RASGRF2: variants seen among roughly 807,000 people sequenced by gnomAD.
RASGRF2 encodes the protein ras-specific guanine nucleotide-releasing factor 2.
RASGRF2 carries 76 observed loss-of-function variants against 151.0 expected under a neutral mutation model. That is an observed-to-expected ratio of 0.50 (90% CI 0.42 to 0.61). RASGRF2 has a LOEUF of 0.61. RASGRF2 is among the 20% of genes least tolerant of loss of function. The pLI, the probability that RASGRF2 is intolerant of heterozygous loss-of-function variation, is 0.00. For missense variants in RASGRF2, 1,148 were observed against 1,564.6 expected (o/e 0.73, Z 4.49); for synonymous variants, 504 against 566.5 (o/e 0.89, Z 1.57).
At chr5:80,989,283 T>A (rs1182740318) in intron 1 of RASGRF2, among the ~76,000 whole-genome samples, 1 of 151,342 alleles carries the variant, frequency 6.6e-6, no homozygotes, top group Admixed American at 6.6e-5. Flanking sequence ...ATAATTGGTA[T>A]TTTTTTTTAA....
At chr5:80,972,336 T>G (rs940831116) in intron 1 of RASGRF2, among the ~76,000 whole-genome samples, 2 of 152,238 alleles carry the variant, frequency 1.3e-5, no homozygotes, top group Admixed American at 6.5e-5. Context: ...CTTTCCAACC[T>G]TGCCAACCCT....
chr5:81,175,418 A>G (rs937722897), intron 17 of RASGRF2, among the ~76,000 whole-genome samples: 1 of 152,308 alleles, frequency 6.6e-6, no homozygotes, highest in Middle Eastern at 3.4e-3. Flanking sequence ...GTAGTATACA[A>G]ACCAGTTACA....
chr5:81,162,425 G>T (rs913875943), intron 17 of RASGRF2, among the ~76,000 whole-genome samples: 1 of 152,104 alleles, frequency 6.6e-6, no homozygotes, highest in Non-Finnish European at 1.5e-5. Context: ...TTGGCTCATT[G>T]CAACCTCCGC....
chr5:80,990,218 G>GTTTTTTTTTTTTTT (rs10558206), intron 1 of RASGRF2, among the ~76,000 whole-genome samples: 1 of 137,926 alleles, frequency 7.3e-6, no homozygotes. Context: ...ACTGCCAGAT[G>GTTTTTTTTTTTTTT]TTTTTTTTTT....
At chr5:81,151,613 C>T (rs1016643924) in intron 17 of RASGRF2, among the ~76,000 whole-genome samples, 4 of 152,108 alleles carry the variant, frequency 2.6e-5, no homozygotes, top group African/African-American at 9.7e-5. Context: ...CCAAGATGCT[C>T]GAATACTTCC....
At chr5:80,978,876 T>C (rs1394256480) in intron 1 of RASGRF2, among the ~76,000 whole-genome samples, 1 of 152,254 alleles carries the variant, frequency 6.6e-6, no homozygotes, top group African/African-American at 2.4e-5. Context: ...AATATTACAT[T>C]GTGAACATTT....
chr5:81,014,540 CAACACGTGGG>C (rs1749569649), intron 1 of RASGRF2, among the ~76,000 whole-genome samples: 1 of 152,192 alleles, frequency 6.6e-6, no homozygotes, highest in Non-Finnish European at 1.5e-5. Context: ...GTCCCTCCCA[CAACACGTGGG>C]AATTCAAGAT....
chr5:81,060,094 A>C (rs1016310398), intron 2 of RASGRF2, among the ~76,000 whole-genome samples: 2 of 152,116 alleles, frequency 1.3e-5, no homozygotes, highest in African/African-American at 4.8e-5. Flanking sequence ...TCTCATGAGA[A>C]CTCATTCACT....
intron 2 of RASGRF2, among the ~76,000 whole-genome samples, chr5:81,044,871 C>T (rs1005687130): frequency 6.6e-6 from 1 of 151,696 alleles, no homozygotes; most frequent in African/African-American, 2.4e-5. Flanking sequence ...CATTCAAAGA[C>T]GAAAGTAGAT....
intron 12 of RASGRF2, 147 bp downstream of exon 12, chr5:81,095,139 G>T: frequency 1.8e-6 from 1 of 555,892 alleles, no homozygotes; most frequent in Non-Finnish European, 2.7e-6. Context: ...ATCTTGATAA[G>T]CTGTGATCAT....
chr5:80,987,452 C>T (rs1380341805), intron 1 of RASGRF2, among the ~76,000 whole-genome samples: 1 of 152,140 alleles, frequency 6.6e-6, no homozygotes, highest in Non-Finnish European at 1.5e-5. Context: ...GTAGTTCAGT[C>T]GTTTGAATTC....
chr5:81,217,262 A>G (rs1755758803), intron 24 of RASGRF2, 94 bp from the exon 25 acceptor site: 13 of 1,492,376 alleles, frequency 8.7e-6, no homozygotes, highest in Non-Finnish European at 1.2e-5. Flanking sequence ...TTCAGTACCA[A>G]AGGAGGATAC....
intron 15 of RASGRF2, among the ~76,000 whole-genome samples, chr5:81,117,861 A>G (rs1753201705): frequency 1.3e-5 from 2 of 152,216 alleles, no homozygotes; most frequent in South Asian, 2.1e-4. Context: ...AAAGTAGGCA[A>G]AAAGAAAGGT....
chr5:81,027,621 C>T (rs1750082730), intron 1 of RASGRF2, among the ~76,000 whole-genome samples: 1 of 152,146 alleles, frequency 6.6e-6, no homozygotes, highest in South Asian at 2.1e-4. Context: ...TCCCATCTGC[C>T]CTTGCTCAAA....
chr5:80,976,811 C>T (rs1748128926), intron 1 of RASGRF2, among the ~76,000 whole-genome samples: 1 of 152,186 alleles, frequency 6.6e-6, no homozygotes, highest in African/African-American at 2.4e-5. Context: ...GGTGGGTCCA[C>T]ATCCTCTGTG....
At position 80,960,548 on chromosome 5, in the gene RASGRF2, C is replaced by A; in HGVS notation, c.-191C>A. On this transcript the variant is annotated 5_prime_UTR_variant, in exon 1 of 27. Transcript: ENST00000265080. This position sits in a 1 kb window ranked among gnomAD's most constrained non-coding sequence, Gnocchi z 5.5. ...GGCGGAGAGCGTGCCTCGGCCCCAG[C>A]CCGCGCCCCTGCCACCGCGCGCCGC... is the stretch of plus-strand genomic sequence containing the variant. 2.6e-6 allele frequency: 1 copy of A among 388,286 alleles called. No homozygotes were observed. Among genetic ancestry groups the A allele is most frequent in the Non-Finnish European group, 4.2e-6 (1 of 237,102 alleles). The allele number at this position is 388,286 out of a possible 1,614,324, so 24.1% of individuals were successfully genotyped here. A position where few individuals can be genotyped will look rare whatever the true frequency, so the allele number is the denominator to read the frequency against.
intron 23 of RASGRF2, among the ~76,000 whole-genome samples, chr5:81,215,568 G>A (rs1755719327): frequency 6.6e-6 from 1 of 152,118 alleles, no homozygotes; most frequent in Non-Finnish European, 1.5e-5. Context: ...ACTGCACCCG[G>A]CCTACTTGTC....
At chr5:81,069,672 C>A (rs534881042) in intron 3 of RASGRF2, among the ~76,000 whole-genome samples, 2 of 152,330 alleles carry the variant, frequency 1.3e-5, no homozygotes, top group African/African-American at 4.8e-5. Flanking sequence ...TCTTTTCCCA[C>A]CTCCTTGCCA....
chr5:81,059,459 C>T (rs954752171), intron 2 of RASGRF2, among the ~76,000 whole-genome samples: 6 of 151,694 alleles, frequency 4.0e-5, no homozygotes, highest in Non-Finnish European at 5.9e-5. Flanking sequence ...GGGGGAAAAC[C>T]TGAGACTTTC....
Sources: allele counts gnomAD v4.1 joint callset (sites outside exome capture counted in the v4.1 genomes callset), GRCh38; gene constraint gnomAD v4.1.1; non-coding constraint Gnocchi (gnomAD v3.1); transcripts MANE v1.5; gene names NCBI Gene and HGNC (gene_info 2026-07-23, HGNC 2026-07-21).